SMAD3: variants seen among roughly 807,000 people sequenced by gnomAD.
The protein encoded by SMAD3 is SMAD family member 3, also known as MAD homolog 3.
Under a neutral mutation model 51.8 loss-of-function variants are expected in SMAD3, and 12 were observed. The observed-to-expected ratio is 0.23, with a 90% confidence interval of 0.15 to 0.38. SMAD3 has a LOEUF of 0.38. SMAD3 is among the 10% of genes least tolerant of loss of function. The pLI, the probability that SMAD3 is intolerant of heterozygous loss-of-function variation, is 1.00. For missense variants in SMAD3, 294 were observed against 565.6 expected, an observed-to-expected ratio of 0.52 and a Z score of 4.87; for synonymous variants, 238 against 227.7, an observed-to-expected ratio of 1.05 and a Z score of -0.41.
At chr15:67,184,621 C>T (rs937584786) in intron 6 of SMAD3, 106 bp from the exon 7 acceptor site, 2 of 1,411,754 alleles carry the variant, frequency 1.4e-6, no homozygotes, top group African/African-American at 2.8e-5. Flanking sequence ...CTGGCAGTCA[C>T]TGGGAGCAGC....
intron 1 of SMAD3, among the ~76,000 whole-genome samples, chr15:67,118,938 T>A (rs1462062281): frequency 6.6e-6 from 1 of 152,212 alleles, no homozygotes; most frequent in Non-Finnish European, 1.5e-5. Flanking sequence ...TAACTGTTGG[T>A]GTGTACCAAC....
chr15:67,084,861 G>A (rs1302312714), intron 1 of SMAD3, among the ~76,000 whole-genome samples: 1 of 152,220 alleles, frequency 6.6e-6, no homozygotes, highest in Non-Finnish European at 1.5e-5. Context: ...AGGTTGGTTA[G>A]AGATGTGGAA....
chr15:67,162,263 C>T (rs1285891086), intron 1 of SMAD3, among the ~76,000 whole-genome samples: 1 of 152,162 alleles, frequency 6.6e-6, no homozygotes, highest in Non-Finnish European at 1.5e-5. Context: ...TGGGTGCCCT[C>T]GGTCATAAGA....
chr15:67,150,232 T>C (rs1403274015), intron 1 of SMAD3, among the ~76,000 whole-genome samples: 1 of 152,216 alleles, frequency 6.6e-6, no homozygotes, highest in Non-Finnish European at 1.5e-5. Context: ...ACTTGTGACA[T>C]TGTTTTATCT....
chr15:67,177,162 C>T (rs1962922007), intron 5 of SMAD3, among the ~76,000 whole-genome samples: 2 of 152,140 alleles, frequency 1.3e-5, no homozygotes, highest in African/African-American at 4.8e-5. Context: ...GATTTAATGC[C>T]AGGACAAACT....
At chr15:67,119,855 G>C (rs1459375315) in intron 1 of SMAD3, among the ~76,000 whole-genome samples, 1 of 152,116 alleles carries the variant, frequency 6.6e-6, no homozygotes, top group Non-Finnish European at 1.5e-5. Context: ...GGAGTGCAGT[G>C]GTGCGATCAC....
In SMAD3 at chr15:67,075,770, C is replaced by T. The variant is rs1180443740; in HGVS notation, c.206+9410C>T. Among the ~76,000 whole-genome samples the T allele has an allele frequency of 5.9e-5, 9 of 151,988 alleles. No homozygotes were observed. In the South Asian group the frequency reaches 1.5e-3, roughly 25 times the overall value. ...GCTCTACTAAAAATATAAAAATTAG[C>T]CGGGCATGGTAGCGGGCGCCTGTAA... On this transcript the variant is annotated intron_variant, in intron 1 of 8. Coordinates refer to ENST00000327367, the MANE Select transcript of SMAD3 (RefSeq NM_005902.4).
At position 67,155,533 on chromosome 15, in the gene SMAD3, G is replaced by A. The variant is rs371007131; in HGVS notation, c.207-9362G>A. ...TATAGTTCAAAGGCCAAATGGAACC[G>A]ATGCAAGGAGACTTTCAAGCCACAA... is the stretch of plus-strand genomic sequence containing the variant. On this transcript the variant is annotated intron_variant, in intron 1 of 8. Coordinates refer to ENST00000327367, the MANE Select transcript of SMAD3 (RefSeq NM_005902.4). 4.6e-5 allele frequency among the ~76,000 whole-genome samples: 7 copies of A among 152,298 alleles called. No individual in the cohort carries two copies. The South Asian group carries it at 1.2e-3, about 27-fold the overall frequency.
chr15:67,129,778 T>C (rs1475275225), intron 1 of SMAD3, among the ~76,000 whole-genome samples: 1 of 152,232 alleles, frequency 6.6e-6, no homozygotes, highest in African/African-American at 2.4e-5. Context: ...TACTCAAATA[T>C]AAAGATTGTT....
Position 67,119,017 on chromosome 15 carries a change from G to T in SMAD3, c.207-45878G>T, listed in dbSNP as rs866670918. Among the ~76,000 whole-genome samples the T allele has an allele frequency of 2.6e-5, 4 of 152,286 alleles. No individual in the cohort carries two copies. In the South Asian group the frequency reaches 8.3e-4, roughly 32 times the overall value. On this transcript the variant is annotated intron_variant, in intron 1 of 8. Coordinates refer to ENST00000327367, the MANE Select transcript of SMAD3 (RefSeq NM_005902.4). ...GCTGGATAGATGAGCGTGGAGTTTG[G>T]GGGAGAGGTCTGAGCTGAGATATAC...
rs2140298992 is a variant in SMAD3, at chr15:67,168,760, T to C, written c.608-1794T>C. 2.0e-5 allele frequency among the ~76,000 whole-genome samples: 3 copies of C among 152,312 alleles called. No individual in the cohort carries two copies. In the South Asian group the frequency reaches 6.2e-4, roughly 32 times the overall value. ...CTGTTGTGAACATGAGTGATTTATC[T>C]ACAGTAGAGACAGACCAGACTTGCG... On this transcript the variant is annotated intron_variant, in intron 4 of 8. Coordinates refer to ENST00000327367, the MANE Select transcript of SMAD3 (RefSeq NM_005902.4).
chr15:67,143,934 G>C (rs1024951645), intron 1 of SMAD3, among the ~76,000 whole-genome samples: 21 of 151,518 alleles, frequency 1.4e-4, no homozygotes, highest in Non-Finnish European at 1.0e-4. Context: ...CTCCCAGAGT[G>C]CTGGGATTAC....
At position 67,137,997 on chromosome 15, in the gene SMAD3, C is replaced by A. The variant is rs543883172; in HGVS notation, c.207-26898C>A. 44 of 1,519,046 alleles carry A rather than the reference C, an allele frequency of 2.9e-5. No homozygotes were observed. In the South Asian group the frequency reaches 4.2e-4, roughly 14 times the overall value. 94.1% of individuals were successfully genotyped at this position (1,519,046 alleles called of 1,614,324 possible). On this transcript the variant is annotated intron_variant, in intron 1 of 8. Transcript: ENST00000327367. ...TCCTTATCATCAGAATCCCTCCCTC[C>A]CGTCCCTGTGACCTCCCAACTTCAC...
chr15:67,116,767 G>A (rs1961144480), intron 1 of SMAD3, among the ~76,000 whole-genome samples: 1 of 152,176 alleles, frequency 6.6e-6, no homozygotes. Flanking sequence ...CCTTGGTGAT[G>A]GGGGTATCTG....
intron 1 of SMAD3, chr15:67,143,198 A>AT (rs1213426576): frequency 1.1e-5 from 2 of 179,908 alleles, no homozygotes; most frequent in Admixed American, 1.2e-4. Flanking sequence ...CAAAGAACTA[A>AT]ATAGCTAAGA....
chr15:67,190,045 G>C (rs1963319903), intron 8 of SMAD3, among the ~76,000 whole-genome samples: 2 of 152,046 alleles, frequency 1.3e-5, no homozygotes, highest in African/African-American at 4.8e-5. Flanking sequence ...ACAGATGGGA[G>C]CCAGGAAGCC....
chr15:67,183,023 ATATATATATTTTTT>A (rs1240542296), intron 6 of SMAD3, among the ~76,000 whole-genome samples: 86 of 72,956 alleles, frequency 1.2e-3, no homozygotes, highest in East Asian at 8.5e-3. Context: ...ATATATATAT[ATATATATATTTTTT>A]TTTTTTTTTT....
intron 1 of SMAD3, among the ~76,000 whole-genome samples, chr15:67,147,550 GT>G (rs1962012531): frequency 6.6e-6 from 1 of 152,154 alleles, no homozygotes; most frequent in Non-Finnish European, 1.5e-5. Context: ...GGAAAAGAAG[GT>G]GGTGGTGAAA....
At chr15:67,150,017 T>C (rs1962085067) in intron 1 of SMAD3, among the ~76,000 whole-genome samples, 2 of 152,356 alleles carry the variant, frequency 1.3e-5, no homozygotes, top group South Asian at 4.1e-4. Flanking sequence ...TTGCAAATCC[T>C]GAAGGCTTTG....
Sources: allele counts gnomAD v4.1 joint callset (sites outside exome capture counted in the v4.1 genomes callset), GRCh38; gene constraint gnomAD v4.1.1; transcripts MANE v1.5; gene names NCBI Gene and HGNC (gene_info 2026-07-23, HGNC 2026-07-21).